Variants in PAK5 observed in about 807,000 individuals in gnomAD.
PAK5 encodes the protein p21 (RAC1) activated kinase 5, also known as serine/threonine-protein kinase PAK 5.
In PAK5, 16 loss-of-function variants were observed where a neutral mutation model predicts 65.9. The observed-to-expected ratio is 0.24, with a 90% CI of 0.16 to 0.37. The LOEUF is 0.37. Among genes scored for constraint, PAK5 ranks in the 10% least tolerant of loss-of-function variants. The pLI is 1.00. For missense variants in PAK5, 785 were observed against 903.9 expected, an observed-to-expected ratio of 0.87 and a Z score of 1.69; for synonymous variants, 371 against 354.9, an observed-to-expected ratio of 1.05 and a Z score of -0.51.
intron 2 of PAK5, among the ~76,000 whole-genome samples, chr20:9,681,386 ATG>A (rs1264399535): frequency 6.6e-6 from 1 of 152,130 alleles, no homozygotes; most frequent in Non-Finnish European, 1.5e-5. Context: ...TTCATATTTA[ATG>A]TAATATAGAC....
intron 1 of PAK5, among the ~76,000 whole-genome samples, chr20:9,785,113 T>C (rs541089288): frequency 6.6e-6 from 1 of 152,212 alleles, no homozygotes; most frequent in Non-Finnish European, 1.5e-5. Context: ...TAATCAAATA[T>C]CATAACCCCT....
intron 1 of PAK5, among the ~76,000 whole-genome samples, chr20:9,810,540 T>C (rs2049286871): frequency 6.6e-6 from 1 of 152,294 alleles, no homozygotes; most frequent in East Asian, 1.9e-4. Context: ...AGCAAGACCC[T>C]GTCTCCAAAG....
intron 4 of PAK5, chr20:9,577,396 T>A (rs1001407796): frequency 2.6e-5 from 4 of 152,070 alleles, no homozygotes; most frequent in African/African-American, 9.7e-5. Context: ...CACACACGTG[T>A]GTACACACAC....
chr20:9,805,306 CA>C (rs1216149523), intron 1 of PAK5, among the ~76,000 whole-genome samples: 1 of 152,126 alleles, frequency 6.6e-6, no homozygotes, highest in Admixed American at 6.6e-5. Flanking sequence ...CTTTAGAAAA[CA>C]GGACAGTTCC....
chr20:9,597,314 G>C (rs1370146492), intron 3 of PAK5, among the ~76,000 whole-genome samples: 3 of 152,200 alleles, frequency 2.0e-5, no homozygotes, highest in Non-Finnish European at 2.9e-5. Context: ...AAAGCAGCTG[G>C]CTTGATTGAA....
intron 1 of PAK5, among the ~76,000 whole-genome samples, chr20:9,805,008 AAAACTCTTAC>A (rs1292322872): frequency 9.2e-5 from 14 of 152,328 alleles, no homozygotes; most frequent in African/African-American, 3.4e-4. Context: ...CAGAATATAA[AAAACTCTTAC>A]AACTCAACAA....
intron 2 of PAK5, among the ~76,000 whole-genome samples, chr20:9,670,075 T>A (rs1009257658): frequency 6.6e-6 from 1 of 152,188 alleles, no homozygotes; most frequent in Admixed American, 6.5e-5. Flanking sequence ...TCCAGCTTCA[T>A]CCATGTCCCT....
At chr20:9,781,336 T>A (rs2123698469) in intron 1 of PAK5, among the ~76,000 whole-genome samples, 2 of 152,252 alleles carry the variant, frequency 1.3e-5, no homozygotes, top group Middle Eastern at 3.4e-3. Context: ...GTGGGTCAGG[T>A]CTCAATGTGA....
intron 1 of PAK5, among the ~76,000 whole-genome samples, chr20:9,715,065 ATCT>A (rs1344689649): frequency 1.3e-5 from 2 of 152,202 alleles, no homozygotes; most frequent in Non-Finnish European, 2.9e-5. Context: ...TAAACTAAAG[ATCT>A]TCTGCACAGC....
chr20:9,725,032 A>G (rs2048260153), intron 1 of PAK5, among the ~76,000 whole-genome samples: 1 of 152,118 alleles, frequency 6.6e-6, no homozygotes, highest in Admixed American at 6.6e-5. Flanking sequence ...CACTAACTAC[A>G]TACCCACAAA....
At chr20:9,730,678 C>T (rs760379543) in intron 1 of PAK5, among the ~76,000 whole-genome samples, 1 of 152,184 alleles carries the variant, frequency 6.6e-6, no homozygotes, top group Non-Finnish European at 1.5e-5. Context: ...ATGCTGACTC[C>T]TGTGGATTGA....
chr20:9,665,224 T>C (rs892320803), intron 2 of PAK5, among the ~76,000 whole-genome samples: 1 of 151,030 alleles, frequency 6.6e-6, no homozygotes, highest in African/African-American at 2.4e-5. Flanking sequence ...CTGGCCAACT[T>C]GTAAGGCTTG....
intron 3 of PAK5, among the ~76,000 whole-genome samples, chr20:9,626,647 G>C (rs1301628875): frequency 6.6e-6 from 1 of 152,164 alleles, no homozygotes; most frequent in South Asian, 2.1e-4. Context: ...TGTCCAGCAG[G>C]CCTGCACATT....
intron 1 of PAK5, among the ~76,000 whole-genome samples, chr20:9,719,708 T>C (rs957612304): frequency 6.6e-6 from 1 of 152,158 alleles, no homozygotes; most frequent in African/African-American, 2.4e-5. Flanking sequence ...CCCATTGTGT[T>C]TGCCTTGTAA....
intron 2 of PAK5, among the ~76,000 whole-genome samples, chr20:9,695,512 T>C (rs2047856798): frequency 6.6e-6 from 1 of 152,056 alleles, no homozygotes; most frequent in South Asian, 2.1e-4. Flanking sequence ...CAACTGGAGC[T>C]TGAATGGATT....
chr20:9,552,085 A>C (rs1390237936), intron 7 of PAK5, among the ~76,000 whole-genome samples: 1 of 152,236 alleles, frequency 6.6e-6, no homozygotes, highest in Non-Finnish European at 1.5e-5. Context: ...ATCCAGGCAC[A>C]GTGTTGCCAG....
At chr20:9,572,509 C>T (rs1461624310) in intron 4 of PAK5, among the ~76,000 whole-genome samples, 2 of 152,128 alleles carry the variant, frequency 1.3e-5, no homozygotes, top group Non-Finnish European at 2.9e-5. Context: ...TTTACAAATA[C>T]ATTCTAGAAA....
At chr20:9,654,557 AG>A (rs2047242107) in intron 2 of PAK5, among the ~76,000 whole-genome samples, 1 of 152,072 alleles carries the variant, frequency 6.6e-6, no homozygotes, top group Non-Finnish European at 1.5e-5. Flanking sequence ...GCCCCTCCCA[AG>A]CAGTTTTCCA....
Position 9,696,575 on chromosome 20 carries a change from G to A in PAK5, c.-12+14711C>T, listed in dbSNP as rs142690242. 6.4e-4 allele frequency among the ~76,000 whole-genome samples: 98 copies of A among 152,180 alleles called. 1 individual carries two copies. The East Asian group carries it at 0.015, about 23-fold the overall frequency. ...TGGTCTACTACTCTCTGAGACAGAC[G>A]TGTGGGAGAAAGTTTCTTTTTTCTG... On this transcript the variant is annotated intron_variant, in intron 2 of 9. Transcript: ENST00000353224.
Sources: gnomAD v4.1 joint callset for allele counts (sites outside exome capture counted in the v4.1 genomes callset) on GRCh38, gnomAD v4.1.1 for gene constraint, MANE v1.5 for transcripts, NCBI Gene and HGNC (gene_info 2026-07-23, HGNC 2026-07-21) for gene names.